The following RNF213 variants were observed in gnomAD, a reference collection of about 807,000 sequenced individuals.
RNF213 encodes ring finger protein 213, also known as E3 ubiquitin-protein ligase RNF213.
Under a neutral mutation model 514.4 loss-of-function variants are expected in RNF213, and 341 were observed. That is an observed-to-expected ratio of 0.66 (90% CI 0.61 to 0.73). RNF213 has a LOEUF of 0.73. Among genes scored for constraint, RNF213 ranks in the 30% least tolerant of loss-of-function variants. The probability of loss-of-function intolerance (pLI) is 0.00; values close to 1 mark genes in which losing one functional copy is unlikely to be tolerated. For synonymous variants in RNF213, 2,655 were observed against 2,658.2 expected (o/e 1.00, Z 0.04); for missense variants, 5,767 against 6,615.6 (o/e 0.87, Z 4.45).
In RNF213 at chr17:80,369,574, T is replaced by G; in HGVS notation, c.12228T>G (p.Ile4076Met). 1 of 1,614,224 alleles carries G rather than the reference T, an allele frequency of 6.2e-7. No individual in the cohort carries two copies. The highest frequency in any genetic ancestry group is 8.5e-7 in the Non-Finnish European group (1 of 1,180,030). ...TCTTCGTAGACCTGGTGTCCACCAT[T>G]TGCTTCAAGGACAACGCTCCGCCTG... is the stretch of plus-strand genomic sequence containing the variant. ...NSFFVDLVSTICFKDNAPPEK... is the reference protein window; with the variant it reads ...NSFFVDLVSTMCFKDNAPPEK... The change falls in exon 45 of 68, where the codon ATT (isoleucine) becomes ATG (methionine). Residue 4076 changes from isoleucine (I) to methionine (M), a missense_variant. Physicochemically the swap from Ile to Met is conservative, Grantham distance 10. This residue lies in a region of RNF213 where 93 missense variants were observed against 95.6 expected (regional missense o/e 0.97). Transcript: ENST00000582970.
In RNF213 at chr17:80,281,794, C is replaced by T. The variant is rs188763264; in HGVS notation, c.262-6021C>T. On this transcript the variant is annotated intron_variant, in intron 3 of 67. Transcript: ENST00000582970. ...CGCCAAAATCCAAGGATGCCCAGTC[C>T]CAGATATGAAACGGCGTGGCATTGG... Among the ~76,000 whole-genome samples, 18 of 152,278 alleles carry T rather than the reference C, an allele frequency of 1.2e-4. No homozygotes were observed. The East Asian group carries it at 3.1e-3, about 26-fold the overall frequency.
intron 25 of RNF213, 129 bp from the exon 26 acceptor site, chr17:80,339,071 TG>T: frequency 3.0e-5 from 20 of 662,780 alleles, no homozygotes; most frequent in South Asian, 1.7e-4. Context: ...GGAGGCCTTG[TG>T]AGCGCAGATC....
chr17:80,328,304 T>G (rs2046330526), intron 19 of RNF213, 24 bp from the exon 20 acceptor site: 1 of 1,531,894 alleles, frequency 6.5e-7, no homozygotes, highest in Non-Finnish European at 8.7e-7. Context: ...ATTGGGTTAC[T>G]TTATTGGTGT....
Position 80,380,225 on chromosome 17 carries a change from A to C in RNF213, c.13640+511A>C, listed in dbSNP as rs543181688. On this transcript the variant is annotated intron_variant, in intron 55 of 67. Coordinates refer to ENST00000582970, the MANE Select transcript of RNF213 (RefSeq NM_001256071.3). Reference sequence around the variant, plus strand: ...AATCCGATCCCACAATCCCATGCTGAGATGAATGTGGTTCTAAATGCTCCT... The same window carrying C: ...AATCCGATCCCACAATCCCATGCTGCGATGAATGTGGTTCTAAATGCTCCT... 2.6e-5 allele frequency among the ~76,000 whole-genome samples: 4 copies of C among 152,344 alleles called. No individual in the cohort carries two copies. The East Asian group carries it at 7.7e-4, about 29-fold the overall frequency.
rs777109660 is a variant in RNF213, at chr17:80,347,188, C to T, written c.8853C>T (p.Phe2951=). The change falls in exon 29 of 68, where the codon TTC becomes TTT. Residue 2951 remains phenylalanine (F), a synonymous_variant. Coordinates refer to ENST00000582970, the MANE Select transcript of RNF213 (RefSeq NM_001256071.3). This position sits in a 1 kb window ranked among gnomAD's most constrained non-coding sequence, Gnocchi z 7.2. The part of the protein sequence containing the change: ...TVCKRQDKEF[F]GLRDYYSLIK... ...GTAAGCGCCAGGACAAGGAATTCTT[C>T]GGGCTTCGTGACTACTACAGCCTCA... 1.1e-5 allele frequency: 18 copies of T among 1,613,572 alleles called. No individual in the cohort carries two copies. The highest frequency in any genetic ancestry group is 8.0e-5 in the African/African-American group (6 of 74,912).
Position 80,397,087 on chromosome 17 carries a change from C to T in RNF213, c.*3589C>T, listed in dbSNP as rs180915406. 339 of 152,756 alleles carry T rather than the reference C, an allele frequency of 2.2e-3. 2 individuals are homozygous for T. Among genetic ancestry groups the T allele is most frequent in the Non-Finnish European group, 3.0e-3 (202 of 68,286 alleles). The allele number at this position is 152,756 out of a possible 1,614,324, so 9.5% of individuals were successfully genotyped here. A position where few individuals can be genotyped will look rare whatever the true frequency, so the allele number is the denominator to read the frequency against. ...ACCTCAACCCAGAGGACAGCCACTT[C>T]CTCAGAACCCACGATCTTTGCCCCA... On this transcript the variant is annotated 3_prime_UTR_variant, in exon 68 of 68. Coordinates refer to ENST00000582970, the MANE Select transcript of RNF213 (RefSeq NM_001256071.3).
At chr17:80,280,574 C>G (rs1466542163) in intron 3 of RNF213, among the ~76,000 whole-genome samples, 1 of 152,136 alleles carries the variant, frequency 6.6e-6, no homozygotes, top group Non-Finnish European at 1.5e-5. Flanking sequence ...GTGCCTCAGC[C>G]TCCCGAGTAG....
At chr17:80,287,687 C>A in intron 3 of RNF213, 128 bp from the exon 4 acceptor site, 4 of 614,076 alleles carry the variant, frequency 6.5e-6, no homozygotes, top group East Asian at 5.0e-5. Flanking sequence ...GCAGATTTAA[C>A]AGATGTTAGG....
At chr17:80,383,973 T>C (rs533290452) in intron 59 of RNF213, 45 bp downstream of exon 59, 34 of 1,613,294 alleles carry the variant, frequency 2.1e-5, no homozygotes, top group Admixed American at 5.0e-5. Context: ...CGGTGCAGAG[T>C]TCCCCAGCAG....
At chr17:80,289,525 G>T (rs970660710) in intron 5 of RNF213, 134 bp from the exon 6 acceptor site, 5 of 920,458 alleles carry the variant, frequency 5.4e-6, no homozygotes, top group African/African-American at 5.1e-5. Flanking sequence ...GGGAGGCGGA[G>T]GTTGCAGTGA....
At chr17:80,344,531 GAA>G (rs916663031) in intron 28 of RNF213, 145 bp from the exon 29 acceptor site, 1 of 895,482 alleles carries the variant, frequency 1.1e-6, no homozygotes, top group Non-Finnish European at 1.8e-6. Context: ...ATATGCTGTG[GAA>G]AAAAAGACTA....
At chr17:80,294,618 C>A in intron 8 of RNF213, 102 bp from the exon 9 acceptor site, 1 of 1,402,008 alleles carries the variant, frequency 7.1e-7, no homozygotes, top group Non-Finnish European at 1.0e-6. Flanking sequence ...GCCCCATTTA[C>A]TCCATATCTG....
chr17:80,289,608 A>AAC, intron 5 of RNF213, 51 bp from the exon 6 acceptor site: 2 of 1,570,028 alleles, frequency 1.3e-6, no homozygotes, highest in Non-Finnish European at 8.7e-7. Context: ...AAAAAAAAAA[A>AAC]GAAAATGTGG....
chr17:80,348,960 A>G lies in RNF213; in HGVS notation c.9951+674A>G, dbSNP rs1468711488. Reference sequence around the variant, plus strand: ...GCACGCTTGTCTCCCTGGCTGGGTGAAGGGAGTCTGATGAAAGGCTGTTGT... The same window carrying G: ...GCACGCTTGTCTCCCTGGCTGGGTGGAGGGAGTCTGATGAAAGGCTGTTGT... On this transcript the variant is annotated intron_variant, in intron 29 of 67. Coordinates refer to ENST00000582970, the MANE Select transcript of RNF213 (RefSeq NM_001256071.3). Among the ~76,000 whole-genome samples the G allele has an allele frequency of 2.0e-5, 3 of 152,102 alleles. No individual in the cohort carries two copies. In the East Asian group the frequency reaches 5.8e-4, roughly 29 times the overall value.
chr17:80,350,500 A>G, intron 31 of RNF213, 104 bp downstream of exon 31: 1 of 728,558 alleles, frequency 1.4e-6, no homozygotes, highest in Non-Finnish European at 2.4e-6. Context: ...TAATCAGTAT[A>G]GAAATAAAAA....
At chr17:80,300,926 T>C (rs1400209456) in intron 11 of RNF213, among the ~76,000 whole-genome samples, 1 of 152,230 alleles carries the variant, frequency 6.6e-6, no homozygotes, top group Non-Finnish European at 1.5e-5. Flanking sequence ...GTTAGCCACA[T>C]GTATGTCTTC....
At chr17:80,387,586 C>T (rs1417064017) in intron 63 of RNF213, among the ~76,000 whole-genome samples, 2 of 152,228 alleles carry the variant, frequency 1.3e-5, no homozygotes, top group East Asian at 1.9e-4. Context: ...CTGCTAGCCA[C>T]TCCTAACTGG....
intron 67 of RNF213, among the ~76,000 whole-genome samples, chr17:80,391,150 T>C (rs886961146): frequency 2.6e-5 from 4 of 152,340 alleles, no homozygotes; most frequent in Non-Finnish European, 5.9e-5. Context: ...ATCCATCTTT[T>C]ACATAGTTGC....
intron 67 of RNF213, among the ~76,000 whole-genome samples, chr17:80,392,495 G>T (rs1254865882): frequency 6.6e-6 from 1 of 152,212 alleles, no homozygotes; most frequent in Non-Finnish European, 1.5e-5. Context: ...TCGTGTTTGT[G>T]TACTGCATGT....
Sources: allele counts gnomAD v4.1 joint callset (sites outside exome capture counted in the v4.1 genomes callset), GRCh38; gene constraint gnomAD v4.1.1; regional missense constraint gnomAD v4.1.1; non-coding constraint Gnocchi (gnomAD v3.1); transcripts MANE v1.5; gene names NCBI Gene and HGNC (gene_info 2026-07-23, HGNC 2026-07-21).